Variants in CDCA2 observed in about 807,000 individuals in gnomAD.
CDCA2 encodes cell division cycle associated 2, also known as cell division cycle-associated protein 2.
In CDCA2, 44 loss-of-function variants were observed where a neutral mutation model predicts 67.0. That is an observed-to-expected ratio of 0.66 (90% confidence interval 0.52 to 0.84). CDCA2 has a LOEUF of 0.84. Among genes scored for constraint, CDCA2 ranks in the 40% least tolerant of loss-of-function variants. The pLI is 0.00. For missense variants in CDCA2, 1,253 were observed against 1,203.2 expected, an observed-to-expected ratio of 1.04 and a Z score of -0.61; for synonymous variants, 447 against 418.7, an observed-to-expected ratio of 1.07 and a Z score of -0.82.
intron 13 of CDCA2, among the ~76,000 whole-genome samples, chr8:25,494,067 G>A (rs943894592): frequency 4.6e-5 from 7 of 152,198 alleles, no homozygotes; most frequent in African/African-American, 1.7e-4. Context: ...GCTGTAGAAA[G>A]TTGTGAAGAG....
At chr8:25,488,738 C>T (rs1451078776) in intron 13 of CDCA2, 49 bp downstream of exon 13, 3 of 1,440,938 alleles carry the variant, frequency 2.1e-6, no homozygotes, top group Admixed American at 2.7e-5. Context: ...GGTGTGTTTC[C>T]TTATTGTATA....
Position 25,468,049 on chromosome 8 carries a change from T to C in CDCA2, c.539-168T>C, listed in dbSNP as rs1802985390. On this transcript the variant is annotated intron_variant, in intron 5 of 14. Transcript: ENST00000330560. Reference sequence around the variant, plus strand: ...AGGAGTATCACTTGAGCCCAGAAGGTGGAGGTTGCAGTGAGCTGAAATCGC... The same window carrying C: ...AGGAGTATCACTTGAGCCCAGAAGGCGGAGGTTGCAGTGAGCTGAAATCGC... Among the ~76,000 whole-genome samples the C allele has an allele frequency of 2.4e-5, 3 of 126,686 alleles. No homozygotes were observed. The South Asian group carries it at 7.3e-4, about 31-fold the overall frequency. The allele number at this position is 126,686 out of a possible 152,430, so 83.1% of individuals were successfully genotyped here. A position where few individuals can be genotyped will look rare whatever the true frequency, so the allele number is the denominator to read the frequency against.
At chr8:25,462,710 T>G (rs1017530141) in intron 4 of CDCA2, among the ~76,000 whole-genome samples, 1 of 147,642 alleles carries the variant, frequency 6.8e-6, no homozygotes, top group African/African-American at 2.5e-5. Flanking sequence ...AGACAGGATC[T>G]CAGTTGCCCA....
chr8:25,504,859 A>G (rs1009252301), intron 14 of CDCA2, among the ~76,000 whole-genome samples: 2 of 152,286 alleles, frequency 1.3e-5, no homozygotes, highest in South Asian at 4.1e-4. Flanking sequence ...TCTATTTTCT[A>G]TGTTCCCCTG....
chr8:25,470,779 T>TG (rs397947231), intron 7 of CDCA2, among the ~76,000 whole-genome samples: 1 of 151,716 alleles, frequency 6.6e-6, no homozygotes, highest in African/African-American at 2.4e-5. Flanking sequence ...TTTTTTTTTT[T>TG]AAGGCAGTTT....
chr8:25,485,746 T>C lies in CDCA2; in HGVS notation c.1366-13T>C, dbSNP rs774745248. 2.6e-6 allele frequency: 4 copies of C among 1,547,254 alleles called. No individual in the cohort carries two copies. The South Asian group carries it at 4.7e-5, about 18-fold the overall frequency. ...TTTAAAGATATCTAACTTCTGTCTTTTCCTTTGTTTAGGAAAACATAGAAC... is the reference window on the plus strand; with the variant it reads ...TTTAAAGATATCTAACTTCTGTCTTCTCCTTTGTTTAGGAAAACATAGAAC... On this transcript the variant is annotated splice_polypyrimidine_tract_variant and intron_variant, in intron 10 of 14. Transcript: ENST00000330560.
intron 9 of CDCA2, 124 bp from the exon 10 acceptor site, chr8:25,483,842 G>T: frequency 2.4e-6 from 2 of 833,242 alleles, no homozygotes; most frequent in Non-Finnish European, 3.6e-6. Flanking sequence ...TTATAGCTTT[G>T]CTTTACTAGC....
chr8:25,482,820 A>G (rs972031630), intron 8 of CDCA2, among the ~76,000 whole-genome samples: 2 of 152,188 alleles, frequency 1.3e-5, no homozygotes, highest in Admixed American at 6.5e-5. Flanking sequence ...GTGACCTGAG[A>G]TTGCACTGCT....
chr8:25,467,059 AAAAAAAACACACACACACACACAAATAT>A (rs1358646249), intron 5 of CDCA2, among the ~76,000 whole-genome samples: 6 of 141,564 alleles, frequency 4.2e-5, no homozygotes, highest in Non-Finnish European at 3.0e-5. Flanking sequence ...AAAAAAAAAA[AAAAAAAACACACACACACACACAAATAT>A]ATCCAATCTG....
rs1803510364 is a variant in CDCA2 at position 25,480,103 on chromosome 8, G to C, written c.1011G>C (p.Lys337Asn). The C allele has an allele frequency of 4.3e-6, 7 of 1,614,084 alleles. No individual in the cohort carries two copies. Among genetic ancestry groups the C allele is most frequent in the Non-Finnish European group, 5.1e-6 (6 of 1,179,980 alleles). The change falls in exon 8 of 15, where the codon AAG becomes AAC. Residue 337 changes from lysine to asparagine, a missense_variant. Transcript: ENST00000330560. ...CTGTACTGAAGAAACCCTCTGTTAA[G>C]ATGTGTCTAGAGAGCTTACAGGTAA... Reference protein sequence around the residue: ...LRSVLKKPSVKMCLESLQEHC... With the variant: ...LRSVLKKPSVNMCLESLQEHC...
chr8:25,494,702 T>A (rs1019780055), intron 13 of CDCA2, among the ~76,000 whole-genome samples: 3 of 152,200 alleles, frequency 2.0e-5, no homozygotes, highest in African/African-American at 7.2e-5. Context: ...CTTCCCAAAT[T>A]TATATATTGA....
intron 3 of CDCA2, 96 bp from the exon 4 acceptor site, chr8:25,461,958 A>C: frequency 8.3e-7 from 1 of 1,211,714 alleles, no homozygotes; most frequent in South Asian, 1.4e-5. Flanking sequence ...CATGTTTATC[A>C]TGTTTTCTCT....
chr8:25,472,715 A>G (rs1220298001), intron 7 of CDCA2, among the ~76,000 whole-genome samples: 1 of 152,138 alleles, frequency 6.6e-6, no homozygotes, highest in African/African-American at 2.4e-5. Flanking sequence ...TAAATTTATT[A>G]CTATTATTTT....
chr8:25,464,194 G>A (rs137936766), intron 4 of CDCA2, among the ~76,000 whole-genome samples: 178 of 152,290 alleles, frequency 1.2e-3, no homozygotes, highest in African/African-American at 3.8e-3. Context: ...AGGGAGGATC[G>A]TTCGAAGCCA....
chr8:25,490,250 C>T (rs1803949160), intron 13 of CDCA2, among the ~76,000 whole-genome samples: 1 of 151,704 alleles, frequency 6.6e-6, no homozygotes, highest in Non-Finnish European at 1.5e-5. Flanking sequence ...GAATATACAC[C>T]TATTCATATA....
rs1802584171 is a variant in CDCA2 at position 25,459,437 on chromosome 8, C to T, written c.-37C>T. The T allele has an allele frequency of 2.0e-5, 3 of 152,508 alleles. No homozygotes were observed. The highest frequency in any genetic ancestry group is 1.3e-4 in the Admixed American group (2 of 15,302). The allele number at this position is 152,508 out of a possible 1,614,324, so 9.4% of individuals were successfully genotyped here. Reference sequence around the variant, plus strand: ...CTGCCACGGGGCTCTGGGAGTAAGCCTGTCTGCCTGGCGGGCCTTCAGGTG... The same window carrying T: ...CTGCCACGGGGCTCTGGGAGTAAGCTTGTCTGCCTGGCGGGCCTTCAGGTG... On this transcript the variant is annotated 5_prime_UTR_variant, in exon 1 of 15. Transcript: ENST00000330560.
At chr8:25,467,041 C>CAA (rs59618544) in intron 5 of CDCA2, among the ~76,000 whole-genome samples, 22,346 of 48,874 alleles carry the variant, frequency 0.46, 6,971 homozygotes, top group East Asian at 0.54. Flanking sequence ...GAGTCCCTTT[C>CAA]AAAAAAAAAA....
chr8:25,464,736 A>G (rs1802832373), intron 4 of CDCA2, among the ~76,000 whole-genome samples: 2 of 152,222 alleles, frequency 1.3e-5, no homozygotes, highest in South Asian at 2.1e-4. Context: ...AGTAAATTGT[A>G]TGAATTTGAG....
intron 13 of CDCA2, among the ~76,000 whole-genome samples, chr8:25,493,063 A>G (rs1186422991): frequency 2.0e-5 from 3 of 152,072 alleles, no homozygotes; most frequent in Non-Finnish European, 2.9e-5. Flanking sequence ...TGCATGCTCA[A>G]CTCTTAGAAC....
Sources: gnomAD v4.1 joint callset for allele counts (sites outside exome capture counted in the v4.1 genomes callset) on GRCh38, gnomAD v4.1.1 for gene constraint, MANE v1.5 for transcripts, NCBI Gene and HGNC (gene_info 2026-07-23, HGNC 2026-07-21) for gene names.